ZFHX3: variants seen among roughly 807,000 people sequenced by gnomAD.
The protein encoded by ZFHX3 is zinc finger homeobox protein 3.
A neutral mutation model predicts 279.1 loss-of-function variants in ZFHX3; 42 were observed. The ratio of observed to expected loss-of-function variants is 0.15; its 90% CI spans 0.12 to 0.19. The LOEUF (loss-of-function observed/expected upper bound fraction) is 0.19. Ranked by LOEUF, ZFHX3 falls within the 10% of genes least tolerant of loss-of-function variation. ZFHX3 has a pLI of 1.00. For missense variants in ZFHX3, 4,981 were observed against 4,754.0 expected (o/e 1.05, Z -1.40); for synonymous variants, 2,293 against 1,957.8 (o/e 1.17, Z -4.52).
At chr16:73,716,553 A>G (rs956361718) in intron 1 of ZFHX3, among the ~76,000 whole-genome samples, 4 of 152,024 alleles carry the variant, frequency 2.6e-5, no homozygotes, top group Non-Finnish European at 4.4e-5. Context: ...GATGCACCTA[A>G]GAGAACAATT....
intron 2 of ZFHX3, among the ~76,000 whole-genome samples, chr16:73,574,759 C>T (rs1027896334): frequency 5.3e-5 from 8 of 152,162 alleles, no homozygotes; most frequent in African/African-American, 1.9e-4. Context: ...CTTGAACTAT[C>T]TTTCTGCTCC....
At chr16:73,078,459 G>A (rs546510665) in intron 8 of ZFHX3, among the ~76,000 whole-genome samples, 1 of 152,228 alleles carries the variant, frequency 6.6e-6, no homozygotes, top group South Asian at 2.1e-4. Flanking sequence ...GGCTCTGGAA[G>A]CAGAAAATCC....
chr16:72,826,329 A>G (rs1461334232), intron 5 of ZFHX3, among the ~76,000 whole-genome samples: 8 of 152,186 alleles, frequency 5.3e-5, no homozygotes, highest in Non-Finnish European at 4.4e-5. Flanking sequence ...AGAAAATGCC[A>G]ATTATCCAGG....
intron 1 of ZFHX3, among the ~76,000 whole-genome samples, chr16:73,820,667 T>A (rs560052823): frequency 6.6e-6 from 1 of 152,068 alleles, no homozygotes; most frequent in East Asian, 1.9e-4. Flanking sequence ...CTGAGCCCCA[T>A]CAATTCCAGA....
At chr16:72,899,708 T>C (rs1201714814) in intron 3 of ZFHX3, among the ~76,000 whole-genome samples, 2 of 152,154 alleles carry the variant, frequency 1.3e-5, no homozygotes, top group African/African-American at 2.4e-5. Context: ...ACATACACTG[T>C]TGGGTCTCGG....
intron 3 of ZFHX3, among the ~76,000 whole-genome samples, chr16:73,376,440 AGGCTTC>A (rs1234896107): frequency 6.6e-5 from 10 of 152,210 alleles, no homozygotes; most frequent in African/African-American, 1.4e-4. Context: ...CATGTCAGCA[AGGCTTC>A]TACCACCTAC....
rs1452659349 is a variant in ZFHX3, at chr16:72,793,593, C to A, written c.9089G>T (p.Gly3030Val). The part of the protein sequence containing the change: ...EGPKTECTLC[G>V]IKYSARLSVR... The stretch of plus-strand genomic sequence containing the variant: ...AGACAGCCGAGCGCTGTACTTGATG[C>A]CACACAAAGTGCACTCTGTTTTGGG... The change falls in exon 9 of 10, where the codon GGC becomes GTC. Residue 3030 changes from glycine to valine, a missense_variant. Gly to Val is a moderately radical substitution (Grantham distance 109). This residue lies in a region of ZFHX3 where 168 missense variants were observed against 249.1 expected (regional missense o/e 0.67). Coordinates refer to ENST00000268489, the MANE Select transcript of ZFHX3 (RefSeq NM_006885.4). The surrounding 1 kb of genome is among the most constrained non-coding windows in gnomAD (Gnocchi z 4.3). The A allele has an allele frequency of 6.2e-7, 1 of 1,614,172 alleles. No individual in the cohort carries two copies. Among genetic ancestry groups the A allele is most frequent in the Non-Finnish European group, 8.5e-7 (1 of 1,180,038 alleles).
intron 1 of ZFHX3, among the ~76,000 whole-genome samples, chr16:73,883,674 A>G (rs942824318): frequency 9.2e-5 from 14 of 151,992 alleles, no homozygotes; most frequent in African/African-American, 3.4e-4. Context: ...GCCAGCTACT[A>G]GATGATTCCT....
chr16:73,214,843 CTTTTTTTTTTTTTTTTTTTTTTTTTCTG>C (rs1035905367), intron 5 of ZFHX3, among the ~76,000 whole-genome samples: 1 of 79,250 alleles, frequency 1.3e-5, no homozygotes, highest in African/African-American at 5.1e-5. Context: ...TGCTGAAGGC[CTTTTTTTTTTTTTTTTTTTTTTTTTCTG>C]TTGTTCAGGG....
At chr16:72,947,460 C>T (rs758265608) in intron 3 of ZFHX3, among the ~76,000 whole-genome samples, 13 of 152,322 alleles carry the variant, frequency 8.5e-5, no homozygotes, top group African/African-American at 1.2e-4. Context: ...GCAGTGACTC[C>T]GGCCCAGGGT....
At chr16:73,278,737 T>C (rs375039259) in intron 4 of ZFHX3, among the ~76,000 whole-genome samples, 13 of 152,220 alleles carry the variant, frequency 8.5e-5, no homozygotes, top group Non-Finnish European at 1.0e-4. Context: ...CACTGATTGG[T>C]GCATTTTACA....
intron 1 of ZFHX3, among the ~76,000 whole-genome samples, chr16:73,891,236 C>A (rs1339876265): frequency 2.0e-5 from 3 of 152,140 alleles, no homozygotes; most frequent in Non-Finnish European, 2.9e-5. Flanking sequence ...ATCCCCACCT[C>A]TCCCCCCAGC....
chr16:73,781,180 G>A (rs1484382442), intron 1 of ZFHX3, among the ~76,000 whole-genome samples: 1 of 152,188 alleles, frequency 6.6e-6, no homozygotes, highest in East Asian at 1.9e-4. Flanking sequence ...CTGAGCAAGA[G>A]AGCAAGCAAC....
Position 72,798,011 on chromosome 16 carries a change from C to T in ZFHX3, c.4671G>A (p.Lys1557=), listed in dbSNP as rs1305866910. Reference sequence around the variant, plus strand: ...AATTGTAGTGTACTAGCAGGATATTCTTTTGAGTGAAAGATTCCTTGCAGA... The same window carrying T: ...AATTGTAGTGTACTAGCAGGATATTTTTTTGAGTGAAAGATTCCTTGCAGA... ...CTVCKESFTQ[K]NILLVHYNSV... is the part of the protein sequence containing the mutation. The change falls in exon 9 of 10, where the codon AAG becomes AAA. Residue 1557 remains lysine (K), a synonymous_variant. Transcript: ENST00000268489. The T allele has an allele frequency of 6.2e-7, 1 of 1,614,182 alleles. No individual in the cohort carries two copies. Among genetic ancestry groups the T allele is most frequent in the African/African-American group, 1.3e-5 (1 of 75,026 alleles).
At chr16:73,083,730 A>T (rs1965976843) in intron 8 of ZFHX3, among the ~76,000 whole-genome samples, 1 of 152,112 alleles carries the variant, frequency 6.6e-6, no homozygotes, top group Admixed American at 6.5e-5. Flanking sequence ...CGTTTTTGCC[A>T]TGTGGCCCAG....
chr16:72,918,149 G>T (rs1597376271), intron 3 of ZFHX3, among the ~76,000 whole-genome samples: 1 of 152,172 alleles, frequency 6.6e-6, no homozygotes, highest in African/African-American at 2.4e-5. Context: ...CACGAGTGAG[G>T]CCTCGCCAAA....
At chr16:73,077,730 G>A (rs1965902530) in intron 8 of ZFHX3, among the ~76,000 whole-genome samples, 1 of 152,168 alleles carries the variant, frequency 6.6e-6, no homozygotes, top group South Asian at 2.1e-4. Flanking sequence ...ATTAAATGGG[G>A]TCAAGACCAA....
intron 7 of ZFHX3, chr16:73,127,317 C>T (rs912529950): frequency 4.6e-6 from 6 of 1,290,754 alleles, no homozygotes; most frequent in East Asian, 1.1e-4. Flanking sequence ...AAACAGCCTT[C>T]GCTGGTGGCA....
chr16:73,505,233 TC>T (rs1161890083), intron 2 of ZFHX3, among the ~76,000 whole-genome samples: 1 of 152,088 alleles, frequency 6.6e-6, no homozygotes, highest in African/African-American at 2.4e-5. Context: ...ATGTATATCC[TC>T]CCCGCTCTGC....
Sources: gnomAD v4.1 joint callset for allele counts (sites outside exome capture counted in the v4.1 genomes callset) on GRCh38, gnomAD v4.1.1 for gene constraint, gnomAD v4.1.1 regional missense constraint, Gnocchi (gnomAD v3.1) non-coding constraint, MANE v1.5 for transcripts, NCBI Gene and HGNC (gene_info 2026-07-23, HGNC 2026-07-21) for gene names.